Variants in RBFOX1 observed in about 807,000 individuals in gnomAD.
RBFOX1 encodes RNA binding fox-1 homolog 1.
Under a neutral mutation model 57.7 loss-of-function variants are expected in RBFOX1, and 8 were observed. That is an observed-to-expected ratio of 0.14 (90% CI 0.08 to 0.25). The LOEUF (loss-of-function observed/expected upper bound fraction) is 0.25, where lower values mean the gene tolerates loss of function less well. RBFOX1 is among the 10% of genes least tolerant of loss of function. The pLI is 1.00. For synonymous variants in RBFOX1, 326 were observed against 222.4 expected, an observed-to-expected ratio of 1.47 and a Z score of -4.15; for missense variants, 611 against 548.5, an observed-to-expected ratio of 1.11 and a Z score of -1.14.
chr16:6,970,039 A>G (rs955370492), intron 3 of RBFOX1, among the ~76,000 whole-genome samples: 3 of 152,090 alleles, frequency 2.0e-5, no homozygotes, highest in Non-Finnish European at 1.5e-5. Flanking sequence ...TTAGATGGGC[A>G]TGGTGGCATA....
intron 3 of RBFOX1, among the ~76,000 whole-genome samples, chr16:5,737,845 CTTTTAT>C (rs982649178): frequency 4.6e-5 from 7 of 151,878 alleles, no homozygotes; most frequent in African/African-American, 1.7e-4. Flanking sequence ...TTTTTTTATT[CTTTTAT>C]TTTTATTTAT....
intron 4 of RBFOX1, among the ~76,000 whole-genome samples, chr16:7,490,351 T>C (rs905670974): frequency 6.6e-6 from 1 of 152,212 alleles, no homozygotes; most frequent in Non-Finnish European, 1.5e-5. Flanking sequence ...ATCAGGGCTC[T>C]ATCCCTGGCG....
chr16:5,953,237 C>G (rs2059556424), intron 4 of RBFOX1, among the ~76,000 whole-genome samples: 1 of 152,064 alleles, frequency 6.6e-6, no homozygotes, highest in Non-Finnish European at 1.5e-5. Flanking sequence ...TCAGATAAGG[C>G]CATCAGATAG....
intron 3 of RBFOX1, among the ~76,000 whole-genome samples, chr16:5,735,732 C>T (rs1042005373): frequency 6.6e-6 from 1 of 152,056 alleles, no homozygotes; most frequent in African/African-American, 2.4e-5. Context: ...CCCTGTTTAG[C>T]CGGGCGTGGT....
chr16:6,839,103 G>A (rs1371821688), intron 3 of RBFOX1, among the ~76,000 whole-genome samples: 1 of 151,062 alleles, frequency 6.6e-6, no homozygotes, highest in Non-Finnish European at 1.5e-5. Flanking sequence ...TCCCGCCTCA[G>A]CCTCCCAAGT....
At chr16:5,706,384 T>A (rs993433922) in intron 3 of RBFOX1, among the ~76,000 whole-genome samples, 2 of 152,202 alleles carry the variant, frequency 1.3e-5, no homozygotes, top group Non-Finnish European at 2.9e-5. Context: ...TTGCCCCGAA[T>A]CACCAAGCAC....
chr16:6,526,933 CAGAG>C (rs1555525387), intron 2 of RBFOX1, among the ~76,000 whole-genome samples: 1 of 146,742 alleles, frequency 6.8e-6, no homozygotes, highest in Non-Finnish European at 1.5e-5. Context: ...GATATAATCA[CAGAG>C]AGATTAAATA....
intron 4 of RBFOX1, among the ~76,000 whole-genome samples, chr16:5,952,623 A>C (rs2059544250): frequency 1.3e-5 from 2 of 152,128 alleles, no homozygotes; most frequent in South Asian, 4.1e-4. Context: ...ATTTACCATT[A>C]TATTCTTCAT....
intron 3 of RBFOX1, among the ~76,000 whole-genome samples, chr16:6,857,347 A>G (rs1282336966): frequency 6.6e-6 from 1 of 152,210 alleles, no homozygotes; most frequent in East Asian, 1.9e-4. Flanking sequence ...TATGGGTAGC[A>G]TCTAAGTGCT....
intron 1 of RBFOX1, among the ~76,000 whole-genome samples, chr16:5,377,298 G>C (rs1227516407): frequency 2.6e-5 from 4 of 151,584 alleles, no homozygotes; most frequent in Non-Finnish European, 5.9e-5. Flanking sequence ...GATGCGGAGG[G>C]GTAGAGGGAG....
At chr16:7,345,871 A>C (rs1316819687) in intron 4 of RBFOX1, among the ~76,000 whole-genome samples, 1 of 152,118 alleles carries the variant, frequency 6.6e-6, no homozygotes, top group African/African-American at 2.4e-5. Context: ...GTACATGTGC[A>C]CAACGTGCAG....
intron 1 of RBFOX1, among the ~76,000 whole-genome samples, chr16:6,164,749 G>A (rs1238694828): frequency 2.6e-5 from 4 of 151,968 alleles, no homozygotes; most frequent in Non-Finnish European, 5.9e-5. Context: ...AAGTGCTGGT[G>A]TGACCCACCG....
chr16:6,198,113 C>T (rs962438005), intron 1 of RBFOX1, among the ~76,000 whole-genome samples: 1 of 152,112 alleles, frequency 6.6e-6, no homozygotes, highest in Non-Finnish European at 1.5e-5. Flanking sequence ...CTGTGCATTT[C>T]AGACTTTTGG....
At chr16:6,254,168 A>G (rs2097646117) in intron 1 of RBFOX1, among the ~76,000 whole-genome samples, 1 of 152,152 alleles carries the variant, frequency 6.6e-6, no homozygotes, top group African/African-American at 2.4e-5. Context: ...AATAGCATTT[A>G]TCGAATATCT....
intron 4 of RBFOX1, among the ~76,000 whole-genome samples, chr16:6,006,184 G>A (rs1015344347): frequency 3.1e-4 from 47 of 152,212 alleles, no homozygotes; most frequent in African/African-American, 9.6e-4. Context: ...GGTTTCCTAC[G>A]GGGAAATCAC....
At chr16:5,534,285 A>G (rs1312789880) in intron 2 of RBFOX1, among the ~76,000 whole-genome samples, 2 of 152,296 alleles carry the variant, frequency 1.3e-5, no homozygotes, top group East Asian at 3.9e-4. Flanking sequence ...AACTAACAGG[A>G]TATATGTATA....
At chr16:5,732,301 G>C (rs973248752) in intron 3 of RBFOX1, among the ~76,000 whole-genome samples, 5 of 152,138 alleles carry the variant, frequency 3.3e-5, no homozygotes, top group African/African-American at 1.2e-4. Flanking sequence ...TTAAAGACCT[G>C]GAGCCAAGAG....
At chr16:7,022,406 T>C (rs1242961356) in intron 3 of RBFOX1, among the ~76,000 whole-genome samples, 2 of 151,974 alleles carry the variant, frequency 1.3e-5, no homozygotes, top group African/African-American at 4.8e-5. Context: ...AAGTCAGGTC[T>C]GCTTAAACCC....
At chr16:6,090,978 C>A (rs917696511) in intron 1 of RBFOX1, among the ~76,000 whole-genome samples, 1 of 152,204 alleles carries the variant, frequency 6.6e-6, no homozygotes, top group Non-Finnish European at 1.5e-5. Context: ...TTTGGTACAT[C>A]CCATGCATGT....
Sources: allele counts gnomAD v4.1 joint callset (sites outside exome capture counted in the v4.1 genomes callset), GRCh38; gene constraint gnomAD v4.1.1; transcripts MANE v1.5; gene names NCBI Gene and HGNC (gene_info 2026-07-23, HGNC 2026-07-21).